The following NBEAL1 variants were observed in gnomAD, a reference collection of about 807,000 sequenced individuals.
NBEAL1 encodes the protein neurobeachin-like protein 1.
Under a neutral mutation model 351.3 loss-of-function variants are expected in NBEAL1, and 273 were observed. That is an observed-to-expected ratio of 0.78 (90% CI 0.70 to 0.86). The LOEUF is 0.86. Ranked by LOEUF, NBEAL1 falls within the 40% of genes least tolerant of loss-of-function variation. The pLI is 0.00. For synonymous variants in NBEAL1, 1,050 were observed against 1,086.4 expected, an observed-to-expected ratio of 0.97 and a Z score of 0.66; for missense variants, 2,961 against 3,201.3, an observed-to-expected ratio of 0.92 and a Z score of 1.81.
At chr2:203,085,406 T>C (rs1406333916) in intron 10 of NBEAL1, 2 of 152,348 alleles carry the variant, frequency 1.3e-5, no homozygotes, top group Non-Finnish European at 2.9e-5. Context: ...GCTTTTTAAT[T>C]AAATGATTTA....
At chr2:203,183,571 CTATAG>C (rs1209823919) in intron 44 of NBEAL1, among the ~76,000 whole-genome samples, 183 bp downstream of exon 44, 1 of 151,782 alleles carries the variant, frequency 6.6e-6, no homozygotes, top group African/African-American at 2.4e-5. Flanking sequence ...TATAATGAGA[CTATAG>C]TATAGTACCA....
intron 4 of NBEAL1, among the ~76,000 whole-genome samples, chr2:203,055,350 C>A (rs1249385495): frequency 6.6e-6 from 1 of 152,038 alleles, no homozygotes; most frequent in African/African-American, 2.4e-5. Context: ...CACCTGTAAT[C>A]CCAGACCTTT....
At chr2:203,034,439 G>A (rs1490775200) in intron 2 of NBEAL1, among the ~76,000 whole-genome samples, 1 of 145,566 alleles carries the variant, frequency 6.9e-6, no homozygotes, top group East Asian at 2.0e-4. Flanking sequence ...TCACCTGTGT[G>A]AGTCACCACA....
rs965872522 is a variant in NBEAL1, at chr2:203,180,539, A to G, written c.6595+27A>G. ...TAAGAAATAGAGGATTAAAAATTTG[A>G]CTAGCAGGTCCCAATGGAGGAGCCT... On this transcript the variant is annotated intron_variant, in intron 43 of 55. Coordinates refer to ENST00000683969, the MANE Select transcript of NBEAL1 (RefSeq NM_001378026.1). 12 of 1,583,986 alleles carry G rather than the reference A, an allele frequency of 7.6e-6. No individual in the cohort carries two copies. In the East Asian group the frequency reaches 2.5e-4, roughly 33 times the overall value.
intron 29 of NBEAL1, 145 bp downstream of exon 29, chr2:203,136,919 T>C: frequency 1.4e-6 from 1 of 691,666 alleles, no homozygotes; most frequent in East Asian, 2.7e-5. Flanking sequence ...CCTTTTCCTA[T>C]CTTTTGCCGT....
intron 18 of NBEAL1, among the ~76,000 whole-genome samples, chr2:203,116,275 T>A (rs1388592844): frequency 6.6e-6 from 1 of 152,232 alleles, no homozygotes; most frequent in Non-Finnish European, 1.5e-5. Context: ...ATTATCATTA[T>A]GTCATCCCTG....
At chr2:203,091,606 A>G (rs973246442) in intron 10 of NBEAL1, among the ~76,000 whole-genome samples, 3 of 152,156 alleles carry the variant, frequency 2.0e-5, no homozygotes, top group Non-Finnish European at 4.4e-5. Context: ...AAAGTTTTCA[A>G]TGTCTACACA....
chr2:203,052,220 A>C (rs1242473345), intron 4 of NBEAL1: 1 of 150,724 alleles, frequency 6.6e-6, no homozygotes, highest in African/African-American at 2.4e-5. Context: ...CACACACCCC[A>C]TACCCCTGCC....
intron 42 of NBEAL1, among the ~76,000 whole-genome samples, chr2:203,179,223 T>C (rs2064622420): frequency 6.6e-6 from 1 of 152,236 alleles, no homozygotes; most frequent in African/African-American, 2.4e-5. Context: ...ACTGTTGTTT[T>C]ATTAGGGAAA....
At chr2:203,106,321 G>T (rs541719288) in intron 12 of NBEAL1, among the ~76,000 whole-genome samples, 1 of 152,294 alleles carries the variant, frequency 6.6e-6, no homozygotes, top group Non-Finnish European at 1.5e-5. Flanking sequence ...TCTGAAACAT[G>T]CCTTTCATTG....
At chr2:203,158,815 G>GTTTTTTTTTTTT in intron 36 of NBEAL1, among the ~76,000 whole-genome samples, 1 of 84,362 alleles carries the variant, frequency 1.2e-5, no homozygotes, top group Non-Finnish European at 2.1e-5. Flanking sequence ...TTTCTGTAGG[G>GTTTTTTTTTTTT]TTTTTTTTTT....
At position 203,183,352 on chromosome 2, in the gene NBEAL1, A is replaced by G; in HGVS notation, c.6669A>G (p.Ser2223=). The G allele has an allele frequency of 6.3e-7, 1 of 1,596,798 alleles. No individual in the cohort carries two copies. Among genetic ancestry groups the G allele is most frequent in the Non-Finnish European group, 8.5e-7 (1 of 1,171,650 alleles). The stretch of plus-strand genomic sequence containing the variant: ...TCATTCTCCCGAAATGGGCTAAATC[A>G]GCTGAAGATTTCATCTATAAACATA... The part of the protein sequence containing the change: ...NDVILPKWAK[S]AEDFIYKHRK... Residue 2223 remains serine (S), a synonymous_variant, in exon 44 of 56, where the codon TCA becomes TCG. Transcript: ENST00000683969.
chr2:203,135,096 A>G (rs1205890246), intron 27 of NBEAL1, among the ~76,000 whole-genome samples: 1 of 151,970 alleles, frequency 6.6e-6, no homozygotes, highest in Non-Finnish European at 1.5e-5. Context: ...GAGTTGCATG[A>G]ACCTAGGAGC....
intron 53 of NBEAL1, among the ~76,000 whole-genome samples, chr2:203,210,649 A>G (rs1432521189): frequency 1.3e-5 from 2 of 152,152 alleles, no homozygotes. Context: ...GGGTGACAGA[A>G]CGAGGCTCCA....
chr2:203,206,400 C>A (rs1203836362), intron 51 of NBEAL1, among the ~76,000 whole-genome samples: 2 of 151,940 alleles, frequency 1.3e-5, no homozygotes, highest in African/African-American at 2.4e-5. Context: ...CTCCCTCTCT[C>A]CCTCTGTCCC....
At chr2:203,195,717 A>G (rs1171765710) in intron 47 of NBEAL1, among the ~76,000 whole-genome samples, 4 of 152,216 alleles carry the variant, frequency 2.6e-5, no homozygotes, top group Admixed American at 6.5e-5. Context: ...GAGTCACATA[A>G]GATCTACTTA....
At chr2:203,094,110 G>A (rs947261640) in intron 10 of NBEAL1, among the ~76,000 whole-genome samples, 14 of 152,260 alleles carry the variant, frequency 9.2e-5, no homozygotes, top group African/African-American at 3.1e-4. Context: ...ATAATTGATG[G>A]AGGTAGGATT....
intron 36 of NBEAL1, among the ~76,000 whole-genome samples, chr2:203,164,780 A>C (rs1302833896): frequency 6.6e-6 from 1 of 152,154 alleles, no homozygotes; most frequent in African/African-American, 2.4e-5. Flanking sequence ...GGCAGATATG[A>C]AATGTCTAGG....
At position 203,201,407 on chromosome 2, in the gene NBEAL1, G is replaced by A. The variant is rs866437197; in HGVS notation, c.7239-136G>A. 3.2e-5 allele frequency: 19 copies of A among 588,574 alleles called. No homozygotes were observed. In the Middle Eastern group the frequency reaches 1.6e-3, roughly 48 times the overall value. The allele number at this position is 588,574 out of a possible 1,614,324, so 36.5% of individuals were successfully genotyped here. A position where few individuals can be genotyped will look rare whatever the true frequency, so the allele number is the denominator to read the frequency against. On this transcript the variant is annotated intron_variant, in intron 49 of 55. Transcript: ENST00000683969. ...ATAACATGTTTTCTGAAAGTCTATC[G>A]TTTATTAATAGACATTTCAAATAGG...
Sources: gnomAD v4.1 joint callset for allele counts (sites outside exome capture counted in the v4.1 genomes callset) on GRCh38, gnomAD v4.1.1 for gene constraint, MANE v1.5 for transcripts, NCBI Gene and HGNC (gene_info 2026-07-23, HGNC 2026-07-21) for gene names.